Variants in GAD2 observed in about 807,000 individuals in gnomAD.
GAD2 encodes glutamate decarboxylase 2.
GAD2 carries 22 observed loss-of-function variants against 80.1 expected under a neutral mutation model. The ratio of observed to expected loss-of-function variants is 0.27; its 90% CI spans 0.20 to 0.39. The LOEUF (loss-of-function observed/expected upper bound fraction) is 0.39. GAD2 is among the 10% of genes least tolerant of loss of function. The probability of loss-of-function intolerance (pLI) is 1.00; values close to 1 mark genes in which losing one functional copy is unlikely to be tolerated. For missense variants in GAD2, 624 were observed against 738.4 expected (o/e 0.85, Z 1.80); for synonymous variants, 274 against 256.9 (o/e 1.07, Z -0.64).
chr10:26,256,231 G>A (rs1379596302), intron 8 of GAD2, among the ~76,000 whole-genome samples: 3 of 151,752 alleles, frequency 2.0e-5, no homozygotes, highest in East Asian at 1.9e-4. Flanking sequence ...AATTATATAT[G>A]TATGTATATA....
chr10:26,219,739 T>G (rs1412702505), intron 4 of GAD2, among the ~76,000 whole-genome samples: 1 of 152,216 alleles, frequency 6.6e-6, no homozygotes, highest in East Asian at 1.9e-4. Flanking sequence ...TATTAATCAT[T>G]GAGTGGGAGG....
At chr10:26,274,509 C>T (rs8190736) in intron 11 of GAD2, among the ~76,000 whole-genome samples, 2,283 of 152,322 alleles carry the variant, frequency 0.015, 65 homozygotes, top group African/African-American at 0.051. Flanking sequence ...CCAAGAAAGC[C>T]TGAATTCATC....
At chr10:26,247,869 C>G (rs1372686056) in intron 8 of GAD2, among the ~76,000 whole-genome samples, 1 of 135,570 alleles carries the variant, frequency 7.4e-6, no homozygotes, top group African/African-American at 2.7e-5. Flanking sequence ...GCACTCCAGC[C>G]TGGGCAACAA....
intron 12 of GAD2, among the ~76,000 whole-genome samples, chr10:26,282,045 C>T (rs999650567): frequency 1.3e-5 from 2 of 152,026 alleles, no homozygotes; most frequent in East Asian, 1.9e-4. Flanking sequence ...TGAGTTCAAG[C>T]GATTCTCATA....
chr10:26,262,444 T>TA (rs1471043863), intron 8 of GAD2, among the ~76,000 whole-genome samples: 1 of 152,062 alleles, frequency 6.6e-6, no homozygotes, highest in African/African-American at 2.4e-5. Context: ...TTTCAAATGT[T>TA]ACGTTTTCTC....
rs961272265 is a variant in GAD2 at position 26,304,513 on chromosome 10, C to A, written c.*3552C>A. 1.3e-5 allele frequency: 2 copies of A among 152,622 alleles called. No homozygotes were observed. The highest frequency in any genetic ancestry group is 4.1e-4 in the South Asian group (2 of 4,832). 9.5% of individuals were successfully genotyped at this position (152,622 alleles called of 1,614,324 possible). ...CTTGTGTATGATCCAAGTATTTTAT[C>A]TGTGTTGTCTCTCTAAACCCAAATA... On this transcript the variant is annotated 3_prime_UTR_variant, in exon 16 of 16. Coordinates refer to ENST00000376261, the MANE Select transcript of GAD2 (RefSeq NM_001134366.2).
At chr10:26,280,677 ATTTAAGAGTCTACT>A (rs1406657029) in intron 11 of GAD2, among the ~76,000 whole-genome samples, 21 of 151,918 alleles carry the variant, frequency 1.4e-4, no homozygotes, top group Admixed American at 1.4e-3. Flanking sequence ...TTTCACACAT[ATTTAAGAGTCTACT>A]TTGTGTTTAC....
rs1845104874 is a variant in GAD2, at chr10:26,269,163, C to T, written c.965C>T (p.Ala322Val). ...GATCTTGAAAGAAGGATTCTTGAAGCCAAACAGAAAGTAAGTTTCTGCCGG... is the reference window on the plus strand; with the variant it reads ...GATCTTGAAAGAAGGATTCTTGAAGTCAAACAGAAAGTAAGTTTCTGCCGG... ...PSDLERRILE[A>V]KQKGFVPFLV... The change falls in exon 9 of 16, where the codon GCC (alanine) becomes GTC (valine). Residue 322 changes from alanine (A) to valine (V), a missense_variant. By Grantham distance (64) the Ala-to-Val change is moderately conservative. Transcript: ENST00000376261. 1.3e-6 allele frequency: 2 copies of T among 1,597,980 alleles called. No homozygotes were observed. The highest frequency in any genetic ancestry group is 1.7e-6 in the Non-Finnish European group (2 of 1,171,396).
chr10:26,281,543 TCAGATGATTAATCTGTAATCTCTGATTA>T (rs1416532067), intron 12 of GAD2, among the ~76,000 whole-genome samples: 1 of 152,160 alleles, frequency 6.6e-6, no homozygotes. Context: ...CTGATTACAG[TCAGATGATTAATCTGTAATCTCTGATTA>T]CAGATGATTA....
chr10:26,296,364 A>G (rs1263427708), intron 15 of GAD2, among the ~76,000 whole-genome samples: 1 of 152,244 alleles, frequency 6.6e-6, no homozygotes, highest in Non-Finnish European at 1.5e-5. Context: ...GAAACCTAAT[A>G]GTGGCTCATA....
chr10:26,261,919 A>G (rs1459580043), intron 8 of GAD2, among the ~76,000 whole-genome samples: 3 of 152,160 alleles, frequency 2.0e-5, no homozygotes, highest in Non-Finnish European at 4.4e-5. Context: ...TGCTAAAAGG[A>G]TTTCCTAGTA....
chr10:26,228,200 C>A (rs932515203), intron 6 of GAD2, among the ~76,000 whole-genome samples: 3 of 152,346 alleles, frequency 2.0e-5, no homozygotes, highest in Admixed American at 6.5e-5. Context: ...AATTTGCATT[C>A]ATAACAATCT....
At chr10:26,258,176 G>A (rs181894747) in intron 8 of GAD2, among the ~76,000 whole-genome samples, 4 of 152,326 alleles carry the variant, frequency 2.6e-5, no homozygotes, top group Admixed American at 2.6e-4. Context: ...ACACAAAATA[G>A]TATATTCTTT....
intron 6 of GAD2, among the ~76,000 whole-genome samples, chr10:26,228,532 C>A (rs979369209): frequency 6.6e-6 from 1 of 152,038 alleles, no homozygotes; most frequent in African/African-American, 2.4e-5. Flanking sequence ...AACAGGGGTC[C>A]CCAACCCCCT....
chr10:26,299,436 A>G (rs1463259344), intron 15 of GAD2, among the ~76,000 whole-genome samples: 1 of 152,228 alleles, frequency 6.6e-6, no homozygotes, highest in Admixed American at 6.5e-5. Flanking sequence ...ATTTGCAGAA[A>G]TGAAGATCAG....
At chr10:26,294,456 C>A (rs1255593225) in intron 15 of GAD2, among the ~76,000 whole-genome samples, 2 of 152,176 alleles carry the variant, frequency 1.3e-5, no homozygotes, top group Non-Finnish European at 1.5e-5. Flanking sequence ...ATTTGCAATC[C>A]TGGCCATACA....
At chr10:26,278,639 G>A (rs972924075) in intron 11 of GAD2, among the ~76,000 whole-genome samples, 1 of 151,994 alleles carries the variant, frequency 6.6e-6, no homozygotes, top group African/African-American at 2.4e-5. Flanking sequence ...TTTTTTGGAG[G>A]GAACTTTCCA....
chr10:26,292,459 A>C lies in GAD2; in HGVS notation c.1387-6A>C, dbSNP rs190881129. ...GCTTAATGAGCTGTGTCCTTCTCTT[A>C]CCTAGGGGACTACCGGGTTTGAAGC... On this transcript the variant is annotated splice_polypyrimidine_tract_variant and splice_region_variant and intron_variant, in intron 13 of 15. Coordinates refer to ENST00000376261, the MANE Select transcript of GAD2 (RefSeq NM_001134366.2). 2 of 1,609,878 alleles carry C rather than the reference A, an allele frequency of 1.2e-6. No individual in the cohort carries two copies. Among genetic ancestry groups the C allele is most frequent in the East Asian group, 4.5e-5 (2 of 44,840 alleles).
chr10:26,253,926 G>A (rs913082441), intron 8 of GAD2, among the ~76,000 whole-genome samples: 4 of 152,120 alleles, frequency 2.6e-5, no homozygotes, highest in African/African-American at 4.8e-5. Flanking sequence ...GTTTTTCCAC[G>A]GACAGGGCTG....
Sources: allele counts gnomAD v4.1 joint callset (sites outside exome capture counted in the v4.1 genomes callset), GRCh38; gene constraint gnomAD v4.1.1; transcripts MANE v1.5; gene names NCBI Gene and HGNC (gene_info 2026-07-23, HGNC 2026-07-21).